Variants in GTF2E2 observed in about 807,000 individuals in gnomAD.
GTF2E2 encodes transcription initiation factor IIE subunit beta.
A neutral mutation model predicts 40.5 loss-of-function variants in GTF2E2; 21 were observed. The ratio of observed to expected loss-of-function variants is 0.52; its 90% CI spans 0.37 to 0.75. The LOEUF (loss-of-function observed/expected upper bound fraction) is 0.75, where lower values mean the gene tolerates loss of function less well. Among genes scored for constraint, GTF2E2 ranks in the 30% least tolerant of loss-of-function variants. The pLI, the probability that GTF2E2 is intolerant of heterozygous loss-of-function variation, is 0.00. For synonymous variants in GTF2E2, 117 were observed against 121.6 expected, an observed-to-expected ratio of 0.96 and a Z score of 0.25; for missense variants, 298 against 338.4, an observed-to-expected ratio of 0.88 and a Z score of 0.94.
In GTF2E2 at chr8:30,585,546, TAC is replaced by T. The variant is rs533061192; in HGVS notation, c.644-5152_644-5151del. Among the ~76,000 whole-genome samples the T allele has an allele frequency of 3.4e-3, 521 of 152,214 alleles. 6 individuals carry two copies. The highest frequency in any genetic ancestry group is 0.012 in the African/African-American group (485 of 41,526). On this transcript the variant is annotated intron_variant, in intron 6 of 7. Transcript: ENST00000355904. ...CAATAGGTATCCCCAGAGAAAAGAA[TAC>T]AGTTTGCTTAGAGAATTTTCATTTT... is the stretch of plus-strand genomic sequence containing the variant.
chr8:30,642,650 G>A (rs1801888473), intron 2 of GTF2E2, among the ~76,000 whole-genome samples: 1 of 144,532 alleles, frequency 6.9e-6, no homozygotes, highest in Admixed American at 6.8e-5. Flanking sequence ...GCAGATACAA[G>A]CAAATAAGAG....
chr8:30,619,594 G>A (rs536260568), intron 3 of GTF2E2, among the ~76,000 whole-genome samples: 55 of 151,542 alleles, frequency 3.6e-4, no homozygotes, highest in Admixed American at 1.2e-3. Context: ...TCACCATGTT[G>A]GTCAGGCTGG....
chr8:30,606,560 G>C (rs944545241), intron 6 of GTF2E2, among the ~76,000 whole-genome samples: 1 of 152,002 alleles, frequency 6.6e-6, no homozygotes, highest in African/African-American at 2.4e-5. Context: ...CCAAACATAC[G>C]TATCATATAC....
Position 30,578,884 on chromosome 8 carries a change from G to A in GTF2E2, c.*37C>T. On this transcript the variant is annotated 3_prime_UTR_variant, in exon 8 of 8. Coordinates refer to ENST00000355904, the MANE Select transcript of GTF2E2 (RefSeq NM_002095.6). ...AGCATCAGCAAGAACACTCTTGATT[G>A]TGTATCTGTAACTCTGTTCCAGGGC... is the stretch of plus-strand genomic sequence containing the variant. 1.0e-6 allele frequency: 1 copy of A among 979,906 alleles called. No homozygotes were observed. 60.7% of individuals were successfully genotyped at this position (979,906 alleles called of 1,614,324 possible).
At chr8:30,593,687 G>C (rs1376833517) in intron 6 of GTF2E2, among the ~76,000 whole-genome samples, 1 of 152,088 alleles carries the variant, frequency 6.6e-6, no homozygotes, top group African/African-American at 2.4e-5. Context: ...GTAGAGACGA[G>C]GTTTCGCCAC....
At chr8:30,608,778 C>T (rs1479861507) in intron 5 of GTF2E2, among the ~76,000 whole-genome samples, 1 of 152,194 alleles carries the variant, frequency 6.6e-6, no homozygotes, top group African/African-American at 2.4e-5. Flanking sequence ...GAGACGGAGT[C>T]TCACTCTGTC....
rs370367915 is a variant in GTF2E2, at chr8:30,601,830, C to T, written c.643+5227G>A. On this transcript the variant is annotated intron_variant, in intron 6 of 7. Coordinates refer to ENST00000355904, the MANE Select transcript of GTF2E2 (RefSeq NM_002095.6). ...TGTACTTTGTATTTTCAGAACTTTA[C>T]CAAGAATCCTTTACCACTTAAGGAA... Among the ~76,000 whole-genome samples, 16 of 152,240 alleles carry T rather than the reference C, an allele frequency of 1.1e-4. No homozygotes were observed. The South Asian group carries it at 3.3e-3, about 32-fold the overall frequency.
At chr8:30,656,489 T>C (rs1031910044) in intron 1 of GTF2E2, among the ~76,000 whole-genome samples, 1 of 152,054 alleles carries the variant, frequency 6.6e-6, no homozygotes, top group South Asian at 2.1e-4. Context: ...AGGACCTCAA[T>C]CTGGACTTTA....
At chr8:30,625,721 C>T (rs999999129) in intron 3 of GTF2E2, among the ~76,000 whole-genome samples, 1 of 152,152 alleles carries the variant, frequency 6.6e-6, no homozygotes, top group African/African-American at 2.4e-5. Flanking sequence ...GCCTCAGCCT[C>T]CTGAGTAGCT....
At chr8:30,617,310 CT>C (rs1800950545) in intron 3 of GTF2E2, among the ~76,000 whole-genome samples, 1 of 152,168 alleles carries the variant, frequency 6.6e-6, no homozygotes, top group Non-Finnish European at 1.5e-5. Context: ...AATTCATTCA[CT>C]TATTCATTCA....
chr8:30,626,210 G>C lies in GTF2E2; in HGVS notation c.258+8822C>G, dbSNP rs137972240. ...TAGCAATAAAAGTAAAATGTAGCTG[G>C]GAGTAGTGGCTCACACCTGTAATCC... On this transcript the variant is annotated intron_variant, in intron 3 of 7. Transcript: ENST00000355904. Among the ~76,000 whole-genome samples the C allele has an allele frequency of 3.3e-3, 501 of 152,318 alleles. 1 individual carries two copies. Among genetic ancestry groups the C allele is most frequent in the African/African-American group, 0.012 (482 of 41,562 alleles).
intron 3 of GTF2E2, among the ~76,000 whole-genome samples, chr8:30,634,233 A>T (rs1038806344): frequency 2.6e-5 from 4 of 152,182 alleles, no homozygotes; most frequent in Non-Finnish European, 5.9e-5. Flanking sequence ...AAATCACATG[A>T]GCTTAGGAGT....
intron 3 of GTF2E2, among the ~76,000 whole-genome samples, chr8:30,632,541 CAATTAT>C (rs1801470448): frequency 6.6e-6 from 1 of 152,026 alleles, no homozygotes; most frequent in Non-Finnish European, 1.5e-5. Context: ...ACACATAAAA[CAATTAT>C]AATAAAAATT....
intron 3 of GTF2E2, among the ~76,000 whole-genome samples, chr8:30,631,037 T>G (rs1801425882): frequency 6.6e-6 from 1 of 152,110 alleles, no homozygotes; most frequent in Admixed American, 6.6e-5. Flanking sequence ...AATTCTTATT[T>G]TTTTATTAGC....
chr8:30,598,226 C>A (rs1262285217), intron 6 of GTF2E2, among the ~76,000 whole-genome samples: 1 of 152,216 alleles, frequency 6.6e-6, no homozygotes, highest in Non-Finnish European at 1.5e-5. Flanking sequence ...CTTTCTACCA[C>A]TGCAAAATTT....
chr8:30,616,425 A>T (rs1189775742), intron 3 of GTF2E2, among the ~76,000 whole-genome samples: 2 of 151,860 alleles, frequency 1.3e-5, no homozygotes, highest in African/African-American at 4.8e-5. Flanking sequence ...ACAGAGCAAG[A>T]CTCTGTTTTA....
chr8:30,626,049 T>C (rs1395054318), intron 3 of GTF2E2, among the ~76,000 whole-genome samples: 1 of 152,212 alleles, frequency 6.6e-6, no homozygotes, highest in African/African-American at 2.4e-5. Context: ...ACAGTGCCAC[T>C]GACTTATAGG....
chr8:30,655,378 G>A (rs964484095), intron 1 of GTF2E2, among the ~76,000 whole-genome samples: 10 of 152,122 alleles, frequency 6.6e-5, no homozygotes, highest in African/African-American at 2.4e-4. Context: ...TCTGAACTCT[G>A]CTAGAACCCT....
chr8:30,606,639 C>T (rs894484665), intron 6 of GTF2E2, among the ~76,000 whole-genome samples: 3 of 152,158 alleles, frequency 2.0e-5, no homozygotes, highest in African/African-American at 7.2e-5. Context: ...ACATCATCTC[C>T]TTCCTTATTC....
Sources: allele counts gnomAD v4.1 joint callset (sites outside exome capture counted in the v4.1 genomes callset), GRCh38; gene constraint gnomAD v4.1.1; transcripts MANE v1.5; gene names NCBI Gene and HGNC (gene_info 2026-07-23, HGNC 2026-07-21).